DHRS4L2: variants seen among roughly 807,000 people sequenced by gnomAD.
DHRS4L2 encodes dehydrogenase/reductase SDR family member 4-like 2.
DHRS4L2 carries 22 observed loss-of-function variants against 23.9 expected under a neutral mutation model. That is an observed-to-expected ratio of 0.92 (90% CI 0.66 to 1.31). DHRS4L2 has a LOEUF of 1.31. Ranked by LOEUF, DHRS4L2 falls within the 40% of genes most tolerant of loss-of-function variation. DHRS4L2 has a pLI of 0.00. For missense variants in DHRS4L2, 385 were observed against 303.3 expected, an observed-to-expected ratio of 1.27 and a Z score of -2.00; for synonymous variants, 141 against 123.7, an observed-to-expected ratio of 1.14 and a Z score of -0.93.
rs2759425 is a variant in DHRS4L2 at position 23,973,639 on chromosome 14, G to A, written c.-176+3307G>A. On this transcript the variant is annotated intron_variant, in intron 1 of 5. Coordinates refer to the DHRS4L2 transcript ENST00000534993. ...AAACAGACATTAAACCAACAAAGAT[G>A]AAAGGAGACAAAGAAGGCCATCACA... 3.8e-4 allele frequency among the ~76,000 whole-genome samples: 57 copies of A among 151,878 alleles called. 1 individual carries two copies. The highest frequency in any genetic ancestry group is 6.3e-4 in the South Asian group (3 of 4,792).
At chr14:23,976,425 G>C (rs1181269206) in intron 1 of DHRS4L2, among the ~76,000 whole-genome samples, 1 of 151,836 alleles carries the variant, frequency 6.6e-6, no homozygotes, top group Non-Finnish European at 1.5e-5. Flanking sequence ...ACAACACTTA[G>C]AATGGCAACA....
At chr14:23,991,774 T>G (rs1280749223) in intron 2 of DHRS4L2, among the ~76,000 whole-genome samples, 1 of 150,686 alleles carries the variant, frequency 6.6e-6, no homozygotes, top group Non-Finnish European at 1.5e-5. Flanking sequence ...TTCATTCTTG[T>G]TGCCCAGGCT....
intron 1 of DHRS4L2, among the ~76,000 whole-genome samples, chr14:23,976,439 A>G (rs2033966321): frequency 6.6e-6 from 1 of 151,922 alleles, no homozygotes; most frequent in East Asian, 1.9e-4. Context: ...GGCAACATTA[A>G]AAAGTCAGGA....
chr14:23,992,568 G>C (rs1164108625), intron 2 of DHRS4L2, among the ~76,000 whole-genome samples: 1 of 151,224 alleles, frequency 6.6e-6, no homozygotes, highest in East Asian at 1.9e-4. Flanking sequence ...CAGAGTAGCT[G>C]CCTATCTGCT....
intron 3 of DHRS4L2, among the ~76,000 whole-genome samples, chr14:23,999,501 A>C (rs2034448837): frequency 1.3e-5 from 2 of 149,966 alleles, no homozygotes; most frequent in East Asian, 3.9e-4. Context: ...CTGGACTTTA[A>C]AAAACACACA....
rs2034264507 is a variant in DHRS4L2 at position 23,991,336 on chromosome 14, T to A, written c.306+977T>A. 1.3e-5 allele frequency among the ~76,000 whole-genome samples: 2 copies of A among 151,726 alleles called. 1 individual carries two copies. The highest frequency in any genetic ancestry group is 4.2e-4 in the South Asian group (2 of 4,798). On this transcript the variant is annotated intron_variant, in intron 2 of 7. Coordinates refer to ENST00000335125, the MANE Select transcript of DHRS4L2 (RefSeq NM_198083.4). ...AAATGTGAGTCCAAAAAAGCTTGGC[T>A]TAGACTGGTCGACAAAGCCCAAGAT...
intron 6 of DHRS4L2, 143 bp from the exon 7 acceptor site, chr14:24,004,194 G>C (rs1469679831): frequency 1.1e-6 from 1 of 923,914 alleles, no homozygotes; most frequent in Non-Finnish European, 1.6e-6. Flanking sequence ...GGCATAACCC[G>C]GGAGGCGGAG....
intron 2 of DHRS4L2, among the ~76,000 whole-genome samples, chr14:23,992,225 G>A (rs1258996716): frequency 1.3e-5 from 2 of 151,620 alleles, no homozygotes; most frequent in African/African-American, 2.4e-5. Flanking sequence ...GGGCATCAGT[G>A]AGGAAGCTGT....
intron 7 of DHRS4L2, 70 bp downstream of exon 7, chr14:24,004,462 A>T (rs2034536838): frequency 6.5e-7 from 1 of 1,545,646 alleles, no homozygotes; most frequent in East Asian, 2.4e-5. Flanking sequence ...AGCAGCCCAC[A>T]GCCCGCTGTC....
chr14:24,003,839 C>T (rs1247726445), intron 6 of DHRS4L2, among the ~76,000 whole-genome samples: 1 of 59,266 alleles, frequency 1.7e-5, no homozygotes. Flanking sequence ...ATTTTGTATC[C>T]TGAGACTTTG....
At chr14:23,981,300 G>T (rs2034047738) in intron 1 of DHRS4L2, among the ~76,000 whole-genome samples, 2 of 151,616 alleles carry the variant, frequency 1.3e-5, no homozygotes, top group Non-Finnish European at 2.9e-5. Flanking sequence ...AAGGAAATAA[G>T]TGAGGACACA....
intron 2 of DHRS4L2, among the ~76,000 whole-genome samples, chr14:23,994,038 A>G (rs578244050): frequency 2.6e-5 from 4 of 151,648 alleles, no homozygotes; most frequent in South Asian, 2.1e-4. Context: ...GAAGTATAAG[A>G]TCTTGAGAAA....
chr14:23,984,729 C>G (rs1257294080), upstream of DHRS4L2, among the ~76,000 whole-genome samples: 1 of 147,886 alleles, frequency 6.8e-6, no homozygotes, highest in East Asian at 2.1e-4. Context: ...ATCGCTTGAA[C>G]CCGGGAGGCA....
rs181667556 is a variant in DHRS4L2 at position 23,983,064 on chromosome 14, C to T, written c.-175-7118C>T. ...ATTAAACTAAAGAGCTTCAGCACAG[C>T]AGAAGAGACTATCGTCAGAGTGAAC... On this transcript the variant is annotated intron_variant, in intron 1 of 5. Transcript: ENST00000534993. Among the ~76,000 whole-genome samples the T allele has an allele frequency of 8.6e-5, 13 of 151,718 alleles. No individual in the cohort carries two copies. The East Asian group carries it at 2.5e-3, about 29-fold the overall frequency.
chr14:23,977,552 CTG>C (rs1450063288), intron 1 of DHRS4L2, among the ~76,000 whole-genome samples: 2 of 151,866 alleles, frequency 1.3e-5, no homozygotes, highest in Middle Eastern at 3.4e-3. Context: ...CTGCTTAAAT[CTG>C]TGAAAATAAA....
rs1255795567 is a variant in DHRS4L2, at chr14:24,004,283, A to G, written c.666-54A>G. The G allele has an allele frequency of 3.1e-5, 48 of 1,529,586 alleles. 1 individual carries two copies. The highest frequency in any genetic ancestry group is 4.0e-5 in the Non-Finnish European group (46 of 1,148,894). 94.8% of individuals were successfully genotyped at this position (1,529,586 alleles called of 1,614,324 possible). A position where few individuals can be genotyped will look rare whatever the true frequency, so the allele number is the denominator to read the frequency against. Reference sequence around the variant, plus strand: ...GACTCCGTCTCTAAAAAAAAAAAAAAAAAAAGAAAGGAAAAGAAAAAAAAA... The same window carrying G: ...GACTCCGTCTCTAAAAAAAAAAAAAGAAAAAGAAAGGAAAAGAAAAAAAAA... On this transcript the variant is annotated intron_variant, in intron 6 of 7. Coordinates refer to ENST00000335125, the MANE Select transcript of DHRS4L2 (RefSeq NM_198083.4).
intron 1 of DHRS4L2, chr14:23,970,353 G>T (rs1334431501): frequency 3.8e-5 from 16 of 417,994 alleles, no homozygotes; most frequent in African/African-American, 1.1e-4. Context: ...GAGGGCGGTG[G>T]GGGGCGGGGG....
chr14:23,990,266 G>A lies in DHRS4L2; in HGVS notation c.213G>A (p.Gln71=), dbSNP rs61729875. 5.0e-6 allele frequency: 8 copies of A among 1,612,622 alleles called. No individual in the cohort carries two copies. In the African/African-American group the frequency reaches 9.4e-5, roughly 19 times the overall value. ...VSSRKQQNVD[Q]AVATLQGEGL... ...GCCGGAAGCAGCAGAATGTGGACCA[G>A]GCGGTGGCCACGCTGCAGGGGGAGG... The change falls in exon 2 of 8, where the codon CAG becomes CAA. Residue 71 remains glutamine, a synonymous_variant. Transcript: ENST00000335125.
rs1054865855 is a variant in DHRS4L2, at chr14:23,992,750, A to C, written c.307-2282A>C. 7.3e-5 allele frequency among the ~76,000 whole-genome samples: 11 copies of C among 150,358 alleles called. 1 individual carries two copies. Among genetic ancestry groups the C allele is most frequent in the African/African-American group, 2.7e-4 (11 of 40,760 alleles). On this transcript the variant is annotated intron_variant, in intron 2 of 7. Transcript: ENST00000335125. ...GCCCAGGCTGCAGTGCAGTGACATG[A>C]TCATAGCTCACTGTAACCTCGAAGT...
Sources: allele counts gnomAD v4.1 joint callset (sites outside exome capture counted in the v4.1 genomes callset), GRCh38; gene constraint gnomAD v4.1.1; transcripts MANE v1.5; gene names NCBI Gene and HGNC (gene_info 2026-07-23, HGNC 2026-07-21).